The following DEFB115 variants were observed in gnomAD, a reference collection of about 807,000 sequenced individuals.
DEFB115 encodes defensin beta 115, also known as beta-defensin 115.
Under a neutral mutation model 8.8 loss-of-function variants are expected in DEFB115, and 7 were observed. That is an observed-to-expected ratio of 0.79 (90% CI 0.45 to 1.49). The LOEUF is 1.49. Ranked by LOEUF, DEFB115 falls within the 40% of genes most tolerant of loss-of-function variation. DEFB115 has a pLI of 0.01. For synonymous variants in DEFB115, 62 were observed against 37.6 expected (o/e 1.65, Z -2.37); for missense variants, 143 against 99.4 (o/e 1.44, Z -1.86).
intron 1 of DEFB115, among the ~76,000 whole-genome samples, chr20:31,258,312 T>C (rs188579424): frequency 2.0e-5 from 3 of 152,306 alleles, no homozygotes; most frequent in Non-Finnish European, 4.4e-5. Context: ...GCAGAAGATT[T>C]TGGCTTTCAA....
At chr20:31,258,813 A>G (rs1983823149) in intron 1 of DEFB115, among the ~76,000 whole-genome samples, 1 of 152,170 alleles carries the variant, frequency 6.6e-6, no homozygotes, top group Non-Finnish European at 1.5e-5. Flanking sequence ...AAGAATCTGT[A>G]GTTTAGATTA....
At chr20:31,258,396 A>G (rs980891912) in intron 1 of DEFB115, among the ~76,000 whole-genome samples, 1 of 152,138 alleles carries the variant, frequency 6.6e-6, no homozygotes, top group Non-Finnish European at 1.5e-5. Context: ...TTCTAATGGA[A>G]ATGTTTTCCC....
intron 1 of DEFB115, among the ~76,000 whole-genome samples, chr20:31,259,076 G>T (rs1179239101): frequency 2.6e-5 from 4 of 152,080 alleles, no homozygotes; most frequent in Admixed American, 1.3e-4. Flanking sequence ...ACAATGCCTG[G>T]CACATAGTAG....
At chr20:31,257,798 T>A (rs1479440309) in intron 1 of DEFB115, 41 bp downstream of exon 1, 1 of 1,545,082 alleles carries the variant, frequency 6.5e-7, no homozygotes, top group Admixed American at 1.7e-5. Flanking sequence ...GGAGTAAGGA[T>A]GGGGTCCTAA....
chr20:31,258,017 G>A (rs758991408), intron 1 of DEFB115, among the ~76,000 whole-genome samples: 3 of 152,170 alleles, frequency 2.0e-5, no homozygotes, highest in Non-Finnish European at 2.9e-5. Context: ...ATATGCAGAA[G>A]CAACCCCAAC....
At chr20:31,258,613 A>C (rs1024646548) in intron 1 of DEFB115, among the ~76,000 whole-genome samples, 5 of 152,208 alleles carry the variant, frequency 3.3e-5, no homozygotes, top group Non-Finnish European at 5.9e-5. Context: ...CAGCGAGGGC[A>C]AGTAGAATAG....
chr20:31,257,695 G>A lies in DEFB115; in HGVS notation c.32G>A (p.Gly11Glu). 5 of 1,613,952 alleles carry A rather than the reference G, an allele frequency of 3.1e-6. No individual in the cohort carries two copies. The highest frequency in any genetic ancestry group is 1.1e-5 in the South Asian group (1 of 91,064). Residue 11 changes from glycine to glutamate, a missense_variant, in exon 1 of 2, where the codon GGA becomes GAA. Physicochemically the swap from Gly to Glu is moderately conservative, Grantham distance 98 (BLOSUM62 -2). Transcript: ENST00000400552. MLPDHFSPLS[G>E]DIKLSVLALV... ...CCAGATCATTTCTCACCCCTCTCAG[G>A]AGACATTAAACTCTCTGTCCTGGCC...
At chr20:31,259,388 C>A in intron 1 of DEFB115, 72 bp from the exon 2 acceptor site, 4 of 1,409,896 alleles carry the variant, frequency 2.8e-6, no homozygotes, top group Admixed American at 2.6e-5. Flanking sequence ...TTACTATTAC[C>A]AACATCCTTT....
rs761596799 is a variant in DEFB115, at chr20:31,259,542, T to G, written c.177T>G (p.Cys59Trp). 14 of 1,612,966 alleles carry G rather than the reference T, an allele frequency of 8.7e-6. No individual in the cohort carries two copies. The highest frequency in any genetic ancestry group is 1.1e-5 in the South Asian group (1 of 90,940). Reference sequence around the variant, plus strand: ...AAATTGAGAGGAAGAAAGAAAAATGTGGGGAAAAACATATTTGCTGTGTCC... The same window carrying G: ...AAATTGAGAGGAAGAAAGAAAAATGGGGGGAAAAACATATTTGCTGTGTCC... Reference protein sequence around the residue: ...CKEIERKKEKCGEKHICCVPK... With the variant: ...CKEIERKKEKWGEKHICCVPK... The change falls in exon 2 of 2, where the codon TGT becomes TGG. Residue 59 changes from cysteine (C) to tryptophan (W), a missense_variant. By Grantham distance (215) the Cys-to-Trp change is radical. Transcript: ENST00000400552.
intron 1 of DEFB115, 53 bp from the exon 2 acceptor site, chr20:31,259,407 G>T (rs948262980): frequency 6.8e-7 from 1 of 1,473,926 alleles, no homozygotes; most frequent in South Asian, 1.5e-5. Flanking sequence ...TTCTTTAATT[G>T]TATTTATTTT....
intron 1 of DEFB115, among the ~76,000 whole-genome samples, chr20:31,259,203 A>G (rs1727130675): frequency 6.6e-6 from 1 of 152,170 alleles, no homozygotes; most frequent in Non-Finnish European, 1.5e-5. Context: ...GTAGAACCAG[A>G]TTTAGTGAGA....
In DEFB115 at chr20:31,257,720, C is replaced by A; in HGVS notation, c.57C>A (p.Ala19=). The change falls in exon 1 of 2, where the codon GCC becomes GCA. Residue 19 remains alanine (A), a synonymous_variant. Coordinates refer to ENST00000400552, the MANE Select transcript of DEFB115 (RefSeq NM_001037730.1). ...LSGDIKLSVL[A]LVVLVVLAQT... ...GAGACATTAAACTCTCTGTCCTGGC[C>A]TTAGTTGTCCTTGTGGTCCTGGCTC... 6.2e-7 allele frequency: 1 copy of A among 1,614,008 alleles called. No individual in the cohort carries two copies. The highest frequency in any genetic ancestry group is 8.5e-7 in the Non-Finnish European group (1 of 1,179,948).
intron 1 of DEFB115, among the ~76,000 whole-genome samples, chr20:31,258,472 T>TGTTGGAAG (rs1260810515): frequency 1.3e-5 from 2 of 152,224 alleles, no homozygotes; most frequent in African/African-American, 4.8e-5. Context: ...GGGTCGTTGC[T>TGTTGGAAG]GTTGGAAGTC....
intron 1 of DEFB115, among the ~76,000 whole-genome samples, chr20:31,258,332 G>T (rs373413707): frequency 6.6e-6 from 1 of 152,162 alleles, no homozygotes; most frequent in Non-Finnish European, 1.5e-5. Context: ...AGTTGAACAC[G>T]CTCAAAGCTC....
In DEFB115 at chr20:31,258,283, G is replaced by A. The variant is rs531766551; in HGVS notation, c.94+526G>A. Among the ~76,000 whole-genome samples, 50 of 152,318 alleles carry A rather than the reference G, an allele frequency of 3.3e-4. 2 individuals carry two copies. The South Asian group carries it at 1.0e-2, about 30-fold the overall frequency. Reference sequence around the variant, plus strand: ...ACAGGTTTATAAAAACAGGCTCACAGTATGGAGCTGGGGTTACAGCAGAAG... The same window carrying A: ...ACAGGTTTATAAAAACAGGCTCACAATATGGAGCTGGGGTTACAGCAGAAG... On this transcript the variant is annotated intron_variant, in intron 1 of 1. Transcript: ENST00000400552.
intron 1 of DEFB115, 81 bp downstream of exon 1, chr20:31,257,838 G>C: frequency 7.8e-7 from 1 of 1,282,798 alleles, no homozygotes; most frequent in Non-Finnish European, 1.1e-6. Context: ...TTGAACATGT[G>C]TAGAAGCAAG....
At chr20:31,258,850 C>T (rs1983824086) in intron 1 of DEFB115, among the ~76,000 whole-genome samples, 1 of 151,984 alleles carries the variant, frequency 6.6e-6, no homozygotes. Flanking sequence ...CAAATGAATC[C>T]AATGTGCTGA....
At position 31,259,470 on chromosome 20, in the gene DEFB115, C is replaced by A; in HGVS notation, c.105C>A (p.Ile35=). Reference sequence around the variant, plus strand: ...TGCTTATTTTGATAGATGGATGGATCAGAAGGTGCTATTATGGAACTGGCA... The same window carrying A: ...TGCTTATTTTGATAGATGGATGGATAAGAAGGTGCTATTATGGAACTGGCA... ...VLAQTAPDGW[I]RRCYYGTGRC... is the part of the protein sequence containing the mutation. The change falls in exon 2 of 2, where the codon ATC becomes ATA. Residue 35 remains isoleucine, a synonymous_variant. Transcript: ENST00000400552. The A allele has an allele frequency of 1.9e-6, 3 of 1,605,350 alleles. No homozygotes were observed. The highest frequency in any genetic ancestry group is 2.5e-6 in the Non-Finnish European group (3 of 1,176,968).
chr20:31,259,479 C>T lies in DEFB115; in HGVS notation c.114C>T (p.Cys38=). Residue 38 remains cysteine, a synonymous_variant, in exon 2 of 2, where the codon TGC becomes TGT. Coordinates refer to ENST00000400552, the MANE Select transcript of DEFB115 (RefSeq NM_001037730.1). Reference sequence around the variant, plus strand: ...TGATAGATGGATGGATCAGAAGGTGCTATTATGGAACTGGCAGATGCAGGA... The same window carrying T: ...TGATAGATGGATGGATCAGAAGGTGTTATTATGGAACTGGCAGATGCAGGA... ...QTAPDGWIRR[C]YYGTGRCRKS... is the part of the protein sequence containing the mutation. 1.9e-6 allele frequency: 3 copies of T among 1,609,922 alleles called. No individual in the cohort carries two copies. Among genetic ancestry groups the T allele is most frequent in the Non-Finnish European group, 1.7e-6 (2 of 1,178,354 alleles).
Sources: allele counts gnomAD v4.1 joint callset (sites outside exome capture counted in the v4.1 genomes callset), GRCh38; gene constraint gnomAD v4.1.1; transcripts MANE v1.5; gene names NCBI Gene and HGNC (gene_info 2026-07-23, HGNC 2026-07-21).